Variants in HS6ST3 observed in about 807,000 individuals in gnomAD.
HS6ST3 encodes the protein heparan-sulfate 6-O-sulfotransferase 3.
In HS6ST3, 12 loss-of-function variants were observed where a neutral mutation model predicts 36.7. That is an observed-to-expected ratio of 0.33 (90% CI 0.21 to 0.53). The LOEUF is 0.53. Among genes scored for constraint, HS6ST3 ranks in the 20% least tolerant of loss-of-function variants. The pLI is 0.95. For missense variants in HS6ST3, 584 were observed against 640.9 expected (o/e 0.91, Z 0.96); for synonymous variants, 240 against 257.5 (o/e 0.93, Z 0.65).
intron 1 of HS6ST3, among the ~76,000 whole-genome samples, chr13:96,802,601 A>G (rs1878104477): frequency 6.6e-6 from 1 of 152,180 alleles, no homozygotes; most frequent in African/African-American, 2.4e-5. Flanking sequence ...CAATTCTTCA[A>G]GATGTACTGA....
intron 1 of HS6ST3, among the ~76,000 whole-genome samples, chr13:96,295,950 T>A (rs1466957218): frequency 6.6e-6 from 1 of 152,150 alleles, no homozygotes; most frequent in Non-Finnish European, 1.5e-5. Flanking sequence ...TTTTCTGCTA[T>A]TATCAAATCT....
chr13:96,144,304 A>G (rs2054045881), intron 1 of HS6ST3, among the ~76,000 whole-genome samples: 1 of 152,222 alleles, frequency 6.6e-6, no homozygotes. Flanking sequence ...ATTACTAAGT[A>G]TACTGTAAAA....
intron 1 of HS6ST3, among the ~76,000 whole-genome samples, chr13:96,467,274 A>G (rs1328048): frequency 0.31 from 47,861 of 151,994 alleles, 9,367 homozygotes; most frequent in Non-Finnish European, 0.44. Context: ...TTACTATTCA[A>G]TATGATAAGA....
intron 1 of HS6ST3, among the ~76,000 whole-genome samples, chr13:96,476,126 G>A (rs1425150807): frequency 6.6e-6 from 1 of 152,136 alleles, no homozygotes; most frequent in Non-Finnish European, 1.5e-5. Flanking sequence ...TCTCATAGCT[G>A]GTGAAAGGTG....
At chr13:96,574,033 C>T in intron 1 of HS6ST3, 1 of 543,694 alleles carries the variant, frequency 1.8e-6, no homozygotes, top group Non-Finnish European at 3.7e-6. Context: ...CCTGTCTGCT[C>T]TTTGTGACAT....
intron 1 of HS6ST3, among the ~76,000 whole-genome samples, chr13:96,263,369 GAA>G (rs1250251262): frequency 6.6e-6 from 1 of 152,138 alleles, no homozygotes; most frequent in Non-Finnish European, 1.5e-5. Flanking sequence ...CATTCACTTA[GAA>G]AGTTTTTCCA....
intron 1 of HS6ST3, among the ~76,000 whole-genome samples, 199 bp from the exon 2 acceptor site, chr13:96,832,291 A>T (rs1239483809): frequency 6.6e-6 from 1 of 152,146 alleles, no homozygotes; most frequent in Non-Finnish European, 1.5e-5. Flanking sequence ...AGCCCAACAA[A>T]CTCAGTATTG....
At chr13:96,331,404 G>A (rs983562837) in intron 1 of HS6ST3, among the ~76,000 whole-genome samples, 1 of 151,996 alleles carries the variant, frequency 6.6e-6, no homozygotes, top group Non-Finnish European at 1.5e-5. Context: ...TAACAGACAG[G>A]ACCCTCAGCT....
intron 1 of HS6ST3, among the ~76,000 whole-genome samples, chr13:96,689,476 A>C (rs2138443742): frequency 6.6e-6 from 1 of 152,106 alleles, no homozygotes; most frequent in East Asian, 1.9e-4. Context: ...CCCCAACTAC[A>C]TTGCCAGTGG....
intron 1 of HS6ST3, among the ~76,000 whole-genome samples, chr13:96,681,301 A>T (rs1352043160): frequency 1.3e-5 from 2 of 152,198 alleles, no homozygotes; most frequent in Non-Finnish European, 2.9e-5. Flanking sequence ...AAATGGATGT[A>T]GACTGTTCTT....
At chr13:96,312,411 T>C (rs2054945935) in intron 1 of HS6ST3, among the ~76,000 whole-genome samples, 1 of 152,182 alleles carries the variant, frequency 6.6e-6, no homozygotes, top group Non-Finnish European at 1.5e-5. Flanking sequence ...TATTCAACTT[T>C]TGTAATATGT....
chr13:96,607,950 A>G (rs767547614), intron 1 of HS6ST3, among the ~76,000 whole-genome samples: 3 of 152,208 alleles, frequency 2.0e-5, no homozygotes, highest in Non-Finnish European at 4.4e-5. Flanking sequence ...GATATGGCCT[A>G]TAAAGTGGGC....
chr13:96,100,708 G>A (rs2053814252), intron 1 of HS6ST3, among the ~76,000 whole-genome samples: 1 of 152,164 alleles, frequency 6.6e-6, no homozygotes, highest in Non-Finnish European at 1.5e-5. Flanking sequence ...GTCTTCCAGA[G>A]TGAATCCACT....
chr13:96,165,601 G>T (rs1046909081), intron 1 of HS6ST3, among the ~76,000 whole-genome samples: 23 of 152,216 alleles, frequency 1.5e-4, no homozygotes, highest in African/African-American at 5.3e-4. Context: ...AAATGGGTCA[G>T]CTGTGGCTGT....
chr13:96,093,553 T>G (rs908907257), intron 1 of HS6ST3, among the ~76,000 whole-genome samples: 2 of 115,774 alleles, frequency 1.7e-5, no homozygotes, highest in Non-Finnish European at 3.6e-5. Flanking sequence ...TTAGTCACCC[T>G]GTTCTGGTTT....
intron 1 of HS6ST3, among the ~76,000 whole-genome samples, chr13:96,354,280 A>T (rs2139432466): frequency 6.6e-6 from 1 of 152,310 alleles, no homozygotes; most frequent in Non-Finnish European, 1.5e-5. Flanking sequence ...TGGTTGCTAT[A>T]AAAATCATAT....
chr13:96,328,874 A>G (rs2055048162), intron 1 of HS6ST3, among the ~76,000 whole-genome samples: 1 of 152,126 alleles, frequency 6.6e-6, no homozygotes, highest in Admixed American at 6.5e-5. Flanking sequence ...TTATTGGTCT[A>G]TTCAGAGATT....
At chr13:96,634,445 C>T (rs928888433) in intron 1 of HS6ST3, among the ~76,000 whole-genome samples, 2 of 152,264 alleles carry the variant, frequency 1.3e-5, no homozygotes, top group Middle Eastern at 3.4e-3. Context: ...CTTTGTCCAA[C>T]AAATAAAGCC....
chr13:96,737,614 A>G (rs1876319436), intron 1 of HS6ST3, among the ~76,000 whole-genome samples: 1 of 138,044 alleles, frequency 7.2e-6, no homozygotes, highest in Non-Finnish European at 1.5e-5. Context: ...CCTGGGCGAC[A>G]GAGCGAGACT....
Sources: gnomAD v4.1 joint callset for allele counts (sites outside exome capture counted in the v4.1 genomes callset) on GRCh38, gnomAD v4.1.1 for gene constraint, MANE v1.5 for transcripts, NCBI Gene and HGNC (gene_info 2026-07-23, HGNC 2026-07-21) for gene names.